Variants in CFH observed in about 807,000 individuals in gnomAD.
The protein encoded by CFH is H factor 1 (complement).
Under a neutral mutation model 147.3 loss-of-function variants are expected in CFH, and 53 were observed. The observed-to-expected ratio is 0.36, with a 90% CI of 0.29 to 0.45. CFH has a LOEUF of 0.45. Ranked by LOEUF, CFH falls within the 20% of genes least tolerant of loss-of-function variation. CFH has a pLI of 1.00. For missense variants in CFH, 1,380 were observed against 1,498.0 expected, an observed-to-expected ratio of 0.92 and a Z score of 1.30; for synonymous variants, 536 against 489.4, an observed-to-expected ratio of 1.10 and a Z score of -1.26.
intron 9 of CFH, among the ~76,000 whole-genome samples, chr1:196,693,888 A>G (rs1039929922): frequency 1.1e-4 from 17 of 151,504 alleles, no homozygotes; most frequent in Non-Finnish European, 8.8e-5. Flanking sequence ...ATTCATCTGC[A>G]GTTTTTATAT....
intron 5 of CFH, 83 bp downstream of exon 5, chr1:196,677,750 C>T (rs1269144123): frequency 2.3e-6 from 3 of 1,303,742 alleles, no homozygotes; most frequent in Non-Finnish European, 3.3e-6. Flanking sequence ...TAAGGAATAT[C>T]AGCAATATTA....
At chr1:196,714,144 A>G (rs1831280) in intron 10 of CFH, among the ~76,000 whole-genome samples, 24,655 of 151,990 alleles carry the variant, frequency 0.16, 2,523 homozygotes, top group East Asian at 0.48. Context: ...TGTGTTACAG[A>G]AACAAGTTAG....
chr1:196,666,190 C>A (rs1195883956), intron 1 of CFH, among the ~76,000 whole-genome samples: 1 of 152,092 alleles, frequency 6.6e-6, no homozygotes, highest in East Asian at 1.9e-4. Context: ...AATTGGGTAT[C>A]CTTAGTTTAA....
Position 196,747,389 on chromosome 1 carries a change from GT to G in CFH, c.*80del. On this transcript the variant is annotated 3_prime_UTR_variant, in exon 22 of 22. Coordinates refer to ENST00000367429, the MANE Select transcript of CFH (RefSeq NM_000186.4). ...TTCTCAATTTCATTTTTTATGTATT[GT>G]TTTACTCCTTTTTATTCATACGTAA... is the stretch of plus-strand genomic sequence containing the variant. 1 of 1,577,078 alleles carries G rather than the reference GT, an allele frequency of 6.3e-7. No homozygotes were observed. The highest frequency in any genetic ancestry group is 8.7e-7 in the Non-Finnish European group (1 of 1,150,544).
At chr1:196,734,164 T>C (rs1669343906) in intron 15 of CFH, among the ~76,000 whole-genome samples, 2 of 152,146 alleles carry the variant, frequency 1.3e-5, no homozygotes, top group Non-Finnish European at 2.9e-5. Flanking sequence ...TGTGGTGCAG[T>C]GAACAAGGCT....
At position 196,666,098 on chromosome 1, in the gene CFH, T is replaced by C. The variant is rs529958251; in HGVS notation, c.59-6880T>C. ...GCACTGAAACTCAGCTTCTAATATC[T>C]TAACCCCCACCAGGATAATTTTGCT... On this transcript the variant is annotated intron_variant, in intron 1 of 21. Coordinates refer to ENST00000367429, the MANE Select transcript of CFH (RefSeq NM_000186.4). 1.2e-3 allele frequency among the ~76,000 whole-genome samples: 187 copies of C among 152,288 alleles called. 1 individual carries two copies. The highest frequency in any genetic ancestry group is 2.2e-3 in the Non-Finnish European group (148 of 68,018).
chr1:196,690,043 A>G lies in CFH; in HGVS notation c.1160-20A>G, dbSNP rs757645453. On this transcript the variant is annotated intron_variant, in intron 8 of 21. Transcript: ENST00000367429. Reference sequence around the variant, plus strand: ...TGTTTCTCATTTACTTTATTTATTTATCATTGTTATGGTCCTTAGGAAAAT... The same window carrying G: ...TGTTTCTCATTTACTTTATTTATTTGTCATTGTTATGGTCCTTAGGAAAAT... 3 of 1,588,702 alleles carry G rather than the reference A, an allele frequency of 1.9e-6. No homozygotes were observed. The highest frequency in any genetic ancestry group is 2.6e-6 in the Non-Finnish European group (3 of 1,161,218).
chr1:196,674,197 G>C (rs896071068), intron 3 of CFH, among the ~76,000 whole-genome samples: 1 of 152,128 alleles, frequency 6.6e-6, no homozygotes, highest in Non-Finnish European at 1.5e-5. Context: ...TTATGGGAGA[G>C]TGGGAAAACA....
rs55807605 is a variant in CFH at position 196,736,919 on chromosome 1, G to A, written c.2509G>A (p.Val837Ile). ...TTATCGGGATGGAGAAAAAGTATCT[G>A]TTCTTTGCCAAGAAAATTATCTAAT... The part of the protein sequence containing the change: ...LNYRDGEKVS[V>I]LCQENYLIQE... Residue 837 changes from valine to isoleucine, a missense_variant, in exon 16 of 22, where the codon GTT becomes ATT. Transcript: ENST00000367429. The A allele has an allele frequency of 5.3e-4, 862 of 1,611,548 alleles. 9 individuals carry two copies. In the East Asian group the frequency reaches 0.017, roughly 31 times the overall value.
At chr1:196,671,900 A>T (rs1667294717) in intron 1 of CFH, among the ~76,000 whole-genome samples, 1 of 150,074 alleles carries the variant, frequency 6.7e-6, no homozygotes, top group South Asian at 2.1e-4. Flanking sequence ...AGCTTTTATT[A>T]TATATAAATA....
intron 11 of CFH, among the ~76,000 whole-genome samples, chr1:196,721,285 G>A (rs1459062366): frequency 6.6e-6 from 1 of 151,670 alleles, no homozygotes; most frequent in Non-Finnish European, 1.5e-5. Flanking sequence ...TTCCTTTGCT[G>A]TGAAGAAAAT....
chr1:196,719,644 G>C (rs927480011), intron 11 of CFH, among the ~76,000 whole-genome samples: 2 of 151,670 alleles, frequency 1.3e-5, no homozygotes, highest in Non-Finnish European at 3.0e-5. Context: ...AGCAAGAAAG[G>C]AGGATTCTGA....
chr1:196,713,683 T>C (rs1287546177), intron 9 of CFH, 52 bp from the exon 10 acceptor site: 3 of 1,160,160 alleles, frequency 2.6e-6, no homozygotes, highest in South Asian at 2.8e-5. Flanking sequence ...TAAATTCTTA[T>C]AAAATGTTAT....
intron 1 of CFH, among the ~76,000 whole-genome samples, chr1:196,662,197 T>C (rs1666933532): frequency 6.6e-6 from 1 of 152,238 alleles, no homozygotes; most frequent in South Asian, 2.1e-4. Flanking sequence ...TTAGATTAGT[T>C]TGACTCAATA....
chr1:196,728,422 C>G lies in CFH; in HGVS notation c.2313C>G (p.Phe771Leu). The change falls in exon 15 of 22, where the codon TTC (phenylalanine) becomes TTG (leucine). Residue 771 changes from phenylalanine to leucine, a missense_variant. Transcript: ENST00000367429. ...AACATTTAAAAAACAAGAAGGAATT[C>G]GATCATAATTCTAACATAAGGTACA... ...LEEHLKNKKE[F>L]DHNSNIRYRC... 6.2e-7 allele frequency: 1 copy of G among 1,608,312 alleles called. No homozygotes were observed. The highest frequency in any genetic ancestry group is 8.5e-7 in the Non-Finnish European group (1 of 1,176,230).
In CFH at chr1:196,747,063, G is replaced by A. The variant is rs764885681; in HGVS notation, c.3494-48G>A. The A allele has an allele frequency of 2.2e-5, 35 of 1,610,304 alleles. 1 individual carries two copies. The highest frequency in any genetic ancestry group is 1.8e-4 in the East Asian group (8 of 44,792). ...ACTTGAAAACCTGAAAGTCTATGAAGATTTGCATACTACTTAATGTTTTAT... is the reference window on the plus strand; with the variant it reads ...ACTTGAAAACCTGAAAGTCTATGAAAATTTGCATACTACTTAATGTTTTAT... On this transcript the variant is annotated intron_variant, in intron 21 of 21. Coordinates refer to ENST00000367429, the MANE Select transcript of CFH (RefSeq NM_000186.4).
chr1:196,717,729 A>G (rs77968584), intron 11 of CFH, among the ~76,000 whole-genome samples: 180 of 152,228 alleles, frequency 1.2e-3, no homozygotes, highest in Middle Eastern at 6.8e-3. Context: ...AGATACAGCA[A>G]AAGGGGAGCT....
chr1:196,676,584 A>G (rs944076993), intron 4 of CFH, among the ~76,000 whole-genome samples: 7 of 152,112 alleles, frequency 4.6e-5, no homozygotes, highest in African/African-American at 1.7e-4. Flanking sequence ...GAAAATGAGA[A>G]AATGTAGATT....
At chr1:196,695,242 T>C (rs1193925953) in intron 9 of CFH, among the ~76,000 whole-genome samples, 1 of 152,122 alleles carries the variant, frequency 6.6e-6, no homozygotes, top group Non-Finnish European at 1.5e-5. Context: ...CAATTTTCCC[T>C]GCACCATTTA....
Sources: allele counts gnomAD v4.1 joint callset (sites outside exome capture counted in the v4.1 genomes callset), GRCh38; gene constraint gnomAD v4.1.1; transcripts MANE v1.5; gene names NCBI Gene and HGNC (gene_info 2026-07-23, HGNC 2026-07-21).